The following FAM171A1 variants were observed in gnomAD, a reference collection of about 807,000 sequenced individuals.
FAM171A1 encodes the protein protein FAM171A1.
Under a neutral mutation model 74.9 loss-of-function variants are expected in FAM171A1, and 23 were observed. That is an observed-to-expected ratio of 0.31 (90% CI 0.22 to 0.44). The LOEUF (loss-of-function observed/expected upper bound fraction) is 0.44. Among genes scored for constraint, FAM171A1 ranks in the 20% least tolerant of loss-of-function variants. The pLI is 1.00. For synonymous variants in FAM171A1, 527 were observed against 505.7 expected (o/e 1.04, Z -0.57); for missense variants, 1,162 against 1,159.2 (o/e 1.00, Z -0.03).
intron 1 of FAM171A1, among the ~76,000 whole-genome samples, chr10:15,295,089 T>A (rs1026958671): frequency 2.0e-5 from 3 of 152,114 alleles, no homozygotes; most frequent in African/African-American, 7.2e-5. Context: ...CTAACTTATT[T>A]TTTATTTATT....
intron 3 of FAM171A1, among the ~76,000 whole-genome samples, chr10:15,258,711 T>C (rs998485786): frequency 3.3e-5 from 5 of 152,200 alleles, no homozygotes; most frequent in African/African-American, 1.2e-4. Context: ...CTCTTCACAA[T>C]GGTTGACACT....
intron 5 of FAM171A1, among the ~76,000 whole-genome samples, chr10:15,232,185 A>G (rs1458075668): frequency 6.6e-6 from 1 of 152,174 alleles, no homozygotes; most frequent in Non-Finnish European, 1.5e-5. Context: ...GCTGGTTCCA[A>G]GCTTGAGACC....
chr10:15,358,183 C>T (rs1009614853), intron 1 of FAM171A1, among the ~76,000 whole-genome samples: 1 of 151,830 alleles, frequency 6.6e-6, no homozygotes, highest in African/African-American at 2.4e-5. Context: ...CCTATGTTTT[C>T]CAGGCTGGTC....
At chr10:15,277,808 G>C (rs887064795) in intron 2 of FAM171A1, among the ~76,000 whole-genome samples, 1 of 152,010 alleles carries the variant, frequency 6.6e-6, no homozygotes, top group Non-Finnish European at 1.5e-5. Context: ...CCAGGCTGGA[G>C]TGCAGTGGTG....
At chr10:15,240,260 C>T (rs1267511685) in intron 5 of FAM171A1, among the ~76,000 whole-genome samples, 1 of 152,066 alleles carries the variant, frequency 6.6e-6, no homozygotes, top group African/African-American at 2.4e-5. Context: ...AGCTGGGAGG[C>T]TGAGGCCAGA....
intron 3 of FAM171A1, among the ~76,000 whole-genome samples, chr10:15,264,169 G>C (rs762536719): frequency 3.3e-5 from 5 of 151,920 alleles, no homozygotes; most frequent in Non-Finnish European, 5.9e-5. Flanking sequence ...TTCGGGTCTT[G>C]CTATGTTGCC....
chr10:15,279,300 T>G (rs1355313425), intron 2 of FAM171A1, among the ~76,000 whole-genome samples: 3 of 152,234 alleles, frequency 2.0e-5, no homozygotes, highest in Non-Finnish European at 2.9e-5. Flanking sequence ...TTTTACTTTT[T>G]TAGGCCTTTC....
At chr10:15,254,936 A>G (rs1834560387) in intron 3 of FAM171A1, 57 bp from the exon 4 acceptor site, 3 of 1,559,698 alleles carry the variant, frequency 1.9e-6, no homozygotes, top group Non-Finnish European at 2.6e-6. Flanking sequence ...TTTTTAGAAA[A>G]TGCAAAACCA....
Position 15,275,456 on chromosome 10 carries a change from A to AT in FAM171A1, c.418+398dup, listed in dbSNP as rs879280891. On this transcript the variant is annotated intron_variant, in intron 3 of 7. Coordinates refer to ENST00000378116, the MANE Select transcript of FAM171A1 (RefSeq NM_001010924.2). ...CATGTGCCACCATGCCTGGCTAAAT[A>AT]TTTTTTTTTTTTGTATTTTTAGTAG... Among the ~76,000 whole-genome samples the AT allele has an allele frequency of 1.8e-3, 254 of 142,940 alleles. 1 individual carries two copies. Among genetic ancestry groups the AT allele is most frequent in the South Asian group, 3.4e-3 (15 of 4,432 alleles). 93.8% of individuals were successfully genotyped at this position (142,940 alleles called of 152,430 possible).
intron 5 of FAM171A1, among the ~76,000 whole-genome samples, chr10:15,245,176 C>T (rs1486510315): frequency 6.6e-6 from 1 of 152,132 alleles, no homozygotes; most frequent in African/African-American, 2.4e-5. Flanking sequence ...AGTGATTCTC[C>T]TGCCTCAGCC....
chr10:15,223,869 A>T (rs1278373775), intron 5 of FAM171A1, among the ~76,000 whole-genome samples: 1 of 152,234 alleles, frequency 6.6e-6, no homozygotes, highest in Non-Finnish European at 1.5e-5. Context: ...ACTGCACTCC[A>T]GCCTGGGCGA....
At position 15,214,186 on chromosome 10, in the gene FAM171A1, C is replaced by T. The variant is rs374113882; in HGVS notation, c.1402G>A (p.Ala468Thr). The change falls in exon 8 of 8, where the codon GCA becomes ACA. Residue 468 changes from alanine (A) to threonine (T), a missense_variant. By Grantham distance (58) the Ala-to-Thr change is moderately conservative. Coordinates refer to ENST00000378116, the MANE Select transcript of FAM171A1 (RefSeq NM_001010924.2). Reference sequence around the variant, plus strand: ...CCTTCTCTTTCCATAGATTTTCTTGCCTTTAAGGGAAAAACCTCCACTGAC... The same window carrying T: ...CCTTCTCTTTCCATAGATTTTCTTGTCTTTAAGGGAAAAACCTCCACTGAC... ...HKSVEVFPLK[A>T]RKSMEREGYE... 1 of 1,614,160 alleles carries T rather than the reference C, an allele frequency of 6.2e-7. No homozygotes were observed. Among genetic ancestry groups the T allele is most frequent in the Non-Finnish European group, 8.5e-7 (1 of 1,180,022 alleles).
chr10:15,272,613 T>C (rs1383505999), intron 3 of FAM171A1, among the ~76,000 whole-genome samples: 3 of 152,140 alleles, frequency 2.0e-5, no homozygotes. Context: ...CACATCACAC[T>C]TATTCCAAAA....
At chr10:15,226,113 G>C (rs1263977598) in intron 5 of FAM171A1, among the ~76,000 whole-genome samples, 3 of 152,212 alleles carry the variant, frequency 2.0e-5, no homozygotes, top group Admixed American at 1.3e-4. Context: ...GCAAGGTCAT[G>C]TGGTGAAGGC....
At chr10:15,242,232 T>G (rs1834372608) in intron 5 of FAM171A1, among the ~76,000 whole-genome samples, 1 of 152,212 alleles carries the variant, frequency 6.6e-6, no homozygotes, top group Non-Finnish European at 1.5e-5. Context: ...CTAAAATATT[T>G]TAATTTCTAC....
chr10:15,292,403 A>G (rs1449587522), intron 1 of FAM171A1, among the ~76,000 whole-genome samples: 1 of 152,112 alleles, frequency 6.6e-6, no homozygotes, highest in African/African-American at 2.4e-5. Context: ...CATTGCTCCC[A>G]CCATCCCCAC....
intron 1 of FAM171A1, among the ~76,000 whole-genome samples, chr10:15,352,991 G>A (rs1835896373): frequency 1.3e-5 from 2 of 152,224 alleles, no homozygotes; most frequent in Admixed American, 1.3e-4. Context: ...TGCAGGGCCT[G>A]GATAGCAAAG....
At chr10:15,335,233 G>C (rs1291300921) in intron 1 of FAM171A1, among the ~76,000 whole-genome samples, 1 of 152,112 alleles carries the variant, frequency 6.6e-6, no homozygotes, top group East Asian at 1.9e-4. Context: ...GACAGAGTGA[G>C]ACCCTGTCTC....
intron 1 of FAM171A1, among the ~76,000 whole-genome samples, chr10:15,337,661 C>A (rs1196972717): frequency 6.6e-6 from 1 of 152,188 alleles, no homozygotes; most frequent in African/African-American, 2.4e-5. Flanking sequence ...CTTTAATAAG[C>A]AGTAGGGGTT....
Sources: gnomAD v4.1 joint callset for allele counts (sites outside exome capture counted in the v4.1 genomes callset) on GRCh38, gnomAD v4.1.1 for gene constraint, MANE v1.5 for transcripts, NCBI Gene and HGNC (gene_info 2026-07-23, HGNC 2026-07-21) for gene names.